The following ERC2 variants were observed in gnomAD, a reference collection of about 807,000 sequenced individuals.
The protein encoded by ERC2 is ERC protein 2.
A neutral mutation model predicts 114.8 loss-of-function variants in ERC2; 42 were observed. The observed-to-expected ratio is 0.37, with a 90% CI of 0.29 to 0.47. ERC2 has a LOEUF of 0.47. Ranked by LOEUF, ERC2 falls within the 20% of genes least tolerant of loss-of-function variation. The probability of loss-of-function intolerance (pLI) is 0.99; values close to 1 mark genes in which losing one functional copy is unlikely to be tolerated. For missense variants in ERC2, 939 were observed against 1,150.7 expected (o/e 0.82, Z 2.66); for synonymous variants, 454 against 425.5 (o/e 1.07, Z -0.82).
rs181877888 is a variant in ERC2, at chr3:56,210,387, C to T, written c.1075-36867G>A. Among the ~76,000 whole-genome samples, 509 of 152,312 alleles carry T rather than the reference C, an allele frequency of 3.3e-3. 1 individual carries two copies. The highest frequency in any genetic ancestry group is 0.012 in the African/African-American group (487 of 41,574). Reference sequence around the variant, plus strand: ...AGAATGCATATATAATAGGGATAAACTATTTTTACATAATTTAATTATTGC... The same window carrying T: ...AGAATGCATATATAATAGGGATAAATTATTTTTACATAATTTAATTATTGC... On this transcript the variant is annotated intron_variant, in intron 3 of 17. Transcript: ENST00000288221.
intron 12 of ERC2, among the ~76,000 whole-genome samples, chr3:55,977,998 T>C (rs2069729699): frequency 1.3e-5 from 2 of 152,210 alleles, no homozygotes; most frequent in Admixed American, 1.3e-4. Context: ...ATATTATAAA[T>C]ACTACGGATC....
In ERC2 at chr3:55,990,457, A is replaced by T. The variant is rs1472323280; in HGVS notation, c.2255+1600T>A. Among the ~76,000 whole-genome samples the T allele has an allele frequency of 2.6e-5, 4 of 152,020 alleles. No homozygotes were observed. In the South Asian group the frequency reaches 8.3e-4, roughly 32 times the overall value. The stretch of plus-strand genomic sequence containing the variant: ...GATTTTTTTTTCTTTTCTTAGAGAG[A>T]GGAATCTTGACCCCAGGCTGGAGTG... On this transcript the variant is annotated intron_variant, in intron 11 of 17. Coordinates refer to ENST00000288221, the MANE Select transcript of ERC2 (RefSeq NM_015576.3).
rs111897032 is a variant in ERC2, at chr3:56,171,977, AC to A, written c.1149+1468del. On this transcript the variant is annotated intron_variant, in intron 4 of 17. Coordinates refer to ENST00000288221, the MANE Select transcript of ERC2 (RefSeq NM_015576.3). ...GGGGACTGAGTCACCCTTTGCAAAA[AC>A]AAAAAACAAAAAAAAAAACAAGTCT... Among the ~76,000 whole-genome samples, 116 of 147,384 alleles carry A rather than the reference AC, an allele frequency of 7.9e-4. 1 individual carries two copies. The highest frequency in any genetic ancestry group is 2.2e-3 in the African/African-American group (90 of 40,506).
At chr3:55,568,892 G>A (rs2056535758) in intron 17 of ERC2, among the ~76,000 whole-genome samples, 1 of 151,930 alleles carries the variant, frequency 6.6e-6, no homozygotes, top group African/African-American at 2.4e-5. Flanking sequence ...ACCTATCCTC[G>A]CTCCACTCAT....
rs138931380 is a variant in ERC2, at chr3:56,223,404, T to C, written c.1075-49884A>G. 7.8e-3 allele frequency among the ~76,000 whole-genome samples: 1,167 copies of C among 150,184 alleles called. 9 individuals carry two copies. Among genetic ancestry groups the C allele is most frequent in the Non-Finnish European group, 0.013 (854 of 67,864 alleles). ...AAAAATATTTTCCCCAAAACCAAGATGGCACATAAATTGAAGGCAACATAC... is the reference window on the plus strand; with the variant it reads ...AAAAATATTTTCCCCAAAACCAAGACGGCACATAAATTGAAGGCAACATAC... On this transcript the variant is annotated intron_variant, in intron 3 of 17. Coordinates refer to ENST00000288221, the MANE Select transcript of ERC2 (RefSeq NM_015576.3).
intron 14 of ERC2, among the ~76,000 whole-genome samples, chr3:55,771,808 C>T (rs1206754022): frequency 6.6e-6 from 1 of 152,224 alleles, no homozygotes; most frequent in Non-Finnish European, 1.5e-5. Flanking sequence ...AGGAGGCAGG[C>T]TCTCCACCTG....
intron 3 of ERC2, among the ~76,000 whole-genome samples, chr3:56,278,313 C>A (rs1457646165): frequency 6.6e-6 from 1 of 152,172 alleles, no homozygotes; most frequent in African/African-American, 2.4e-5. Context: ...AATGCATGAC[C>A]TTTGTCCAAT....
intron 14 of ERC2, among the ~76,000 whole-genome samples, chr3:55,832,268 C>T (rs58422259): frequency 0.1 from 15,415 of 152,288 alleles, 1,379 homozygotes; most frequent in African/African-American, 0.24. Flanking sequence ...TCTCCCAGCA[C>T]ACAGCTGGAG....
At chr3:55,699,806 C>G (rs962654404) in intron 15 of ERC2, among the ~76,000 whole-genome samples, 6 of 152,116 alleles carry the variant, frequency 3.9e-5, no homozygotes, top group Non-Finnish European at 7.4e-5. Flanking sequence ...TTTACATTAT[C>G]AAGCAATCAC....
intron 10 of ERC2, among the ~76,000 whole-genome samples, chr3:55,997,880 G>GTTTGTT (rs1559996207): frequency 1.3e-4 from 6 of 44,786 alleles, no homozygotes; most frequent in Non-Finnish European, 2.0e-4. Context: ...TCTTAATTCT[G>GTTTGTT]TTTTTTTTTT....
chr3:55,848,365 C>T (rs895827301), intron 14 of ERC2, among the ~76,000 whole-genome samples: 3 of 152,180 alleles, frequency 2.0e-5, no homozygotes, highest in African/African-American at 7.2e-5. Flanking sequence ...TCCACCACTG[C>T]CCACTTGGGC....
At chr3:55,562,434 T>A (rs541590202) in intron 17 of ERC2, among the ~76,000 whole-genome samples, 8 of 152,230 alleles carry the variant, frequency 5.3e-5, no homozygotes, top group Non-Finnish European at 1.2e-4. Flanking sequence ...ATTACAGGCA[T>A]GAGCCACTGT....
chr3:55,802,025 T>C (rs2071099482), intron 14 of ERC2, among the ~76,000 whole-genome samples: 1 of 152,204 alleles, frequency 6.6e-6, no homozygotes, highest in Admixed American at 6.5e-5. Flanking sequence ...ACTACCACCC[T>C]AGATAATATA....
At chr3:55,685,123 G>A (rs2062258987) in intron 16 of ERC2, among the ~76,000 whole-genome samples, 1 of 152,162 alleles carries the variant, frequency 6.6e-6, no homozygotes, top group African/African-American at 2.4e-5. Flanking sequence ...TTTCAATACA[G>A]TTTATTTCCT....
At chr3:55,804,177 A>G (rs2059406033) in intron 14 of ERC2, among the ~76,000 whole-genome samples, 1 of 152,208 alleles carries the variant, frequency 6.6e-6, no homozygotes, top group African/African-American at 2.4e-5. Flanking sequence ...ACCAACAATA[A>G]TAATCGAATC....
chr3:56,073,455 G>A (rs1429521242), intron 7 of ERC2, among the ~76,000 whole-genome samples: 1 of 152,166 alleles, frequency 6.6e-6, no homozygotes, highest in Non-Finnish European at 1.5e-5. Context: ...ATTAGCAAAT[G>A]TTCCCAGGGG....
intron 17 of ERC2, among the ~76,000 whole-genome samples, chr3:55,586,231 C>T (rs2057595318): frequency 6.6e-6 from 1 of 152,122 alleles, no homozygotes; most frequent in Non-Finnish European, 1.5e-5. Context: ...GAGAGGTGGC[C>T]CTCGGACTGT....
chr3:55,990,749 A>G (rs1238011224), intron 11 of ERC2, among the ~76,000 whole-genome samples: 1 of 152,166 alleles, frequency 6.6e-6, no homozygotes, highest in Non-Finnish European at 1.5e-5. Context: ...TTTGTTCATA[A>G]TGATATACAT....
chr3:55,899,673 T>C (rs2064030069), intron 13 of ERC2, among the ~76,000 whole-genome samples: 1 of 152,098 alleles, frequency 6.6e-6, no homozygotes, highest in African/African-American at 2.4e-5. Context: ...GGAAAGCAGG[T>C]GGTAAATGGT....
Sources: allele counts gnomAD v4.1 joint callset (sites outside exome capture counted in the v4.1 genomes callset), GRCh38; gene constraint gnomAD v4.1.1; transcripts MANE v1.5; gene names NCBI Gene and HGNC (gene_info 2026-07-23, HGNC 2026-07-21).